Variants in KIAA1671 observed in about 807,000 individuals in gnomAD.
KIAA1671 encodes the protein KIAA1671, also known as uncharacterized protein KIAA1671.
In KIAA1671, 52 loss-of-function variants were observed where a neutral mutation model predicts 131.2. The observed-to-expected ratio is 0.40, with a 90% CI of 0.32 to 0.50. The LOEUF is 0.50. Ranked by LOEUF, KIAA1671 falls within the 20% of genes least tolerant of loss-of-function variation. The pLI, the probability that KIAA1671 is intolerant of heterozygous loss-of-function variation, is 0.73. For synonymous variants in KIAA1671, 1,003 were observed against 961.6 expected (o/e 1.04, Z -0.80); for missense variants, 2,360 against 2,364.2 (o/e 1.00, Z 0.04).
intron 1 of KIAA1671, among the ~76,000 whole-genome samples, chr22:25,001,809 C>T (rs944586140): frequency 2.6e-5 from 4 of 152,166 alleles, no homozygotes; most frequent in Non-Finnish European, 4.4e-5. Context: ...CTGTGTGGTC[C>T]TGTTGGCCCA....
At chr22:25,161,852 A>C (rs1933455676) in intron 6 of KIAA1671, among the ~76,000 whole-genome samples, 1 of 152,086 alleles carries the variant, frequency 6.6e-6, no homozygotes, top group African/African-American at 2.4e-5. Context: ...GAGTCAGGAC[A>C]CTGGGTTTCA....
chr22:25,097,627 C>G (rs923575688), intron 6 of KIAA1671, among the ~76,000 whole-genome samples: 1 of 151,954 alleles, frequency 6.6e-6, no homozygotes, highest in African/African-American at 2.4e-5. Context: ...GTAGTCCCAG[C>G]TACTCGGGAG....
At chr22:24,972,500 C>G (rs1922676193) in intron 1 of KIAA1671, among the ~76,000 whole-genome samples, 1 of 152,030 alleles carries the variant, frequency 6.6e-6, no homozygotes, top group Admixed American at 6.5e-5. Flanking sequence ...ATGCATCCAT[C>G]CATATATGCA....
intron 11 of KIAA1671, among the ~76,000 whole-genome samples, chr22:25,188,766 T>A (rs1934562459): frequency 6.6e-6 from 1 of 152,180 alleles, no homozygotes; most frequent in Non-Finnish European, 1.5e-5. Flanking sequence ...TGGATCATCA[T>A]AAAGGTCTTC....
At chr22:25,097,978 G>A (rs533882296) in intron 6 of KIAA1671, among the ~76,000 whole-genome samples, 13 of 152,206 alleles carry the variant, frequency 8.5e-5, no homozygotes, top group South Asian at 4.2e-4. Flanking sequence ...TCAGGAGCCC[G>A]GACAACATCC....
At chr22:25,105,822 G>C (rs996301593) in intron 6 of KIAA1671, among the ~76,000 whole-genome samples, 4 of 75,062 alleles carry the variant, frequency 5.3e-5, no homozygotes, top group Admixed American at 1.9e-4. Context: ...ATGAAGTTGG[G>C]GGGGGGGGGT....
chr22:25,011,479 GT>G (rs1925031036), intron 1 of KIAA1671: 1 of 151,510 alleles, frequency 6.6e-6, no homozygotes, highest in Admixed American at 6.6e-5. Context: ...CAGAGATGGG[GT>G]TTCACCACGT....
chr22:25,048,977 C>A, intron 5 of KIAA1671: 1 of 459,202 alleles, frequency 2.2e-6, no homozygotes. Flanking sequence ...GTTCCTTTCC[C>A]AGATAGTTGA....
chr22:25,120,367 T>C (rs992731043), intron 6 of KIAA1671, among the ~76,000 whole-genome samples: 32 of 152,220 alleles, frequency 2.1e-4, no homozygotes, highest in African/African-American at 7.2e-4. Flanking sequence ...CTCACCCAAT[T>C]TCAGGTCTCC....
chr22:25,107,554 A>G (rs1435849847), intron 6 of KIAA1671, among the ~76,000 whole-genome samples: 1 of 131,632 alleles, frequency 7.6e-6, no homozygotes, highest in Non-Finnish European at 1.5e-5. Flanking sequence ...AGCTCACTGC[A>G]GCCTTAACTT....
chr22:24,986,694 T>TCCATCCATCCATCCACCCAC (rs2123838926), intron 1 of KIAA1671, among the ~76,000 whole-genome samples: 1 of 82,156 alleles, frequency 1.2e-5, no homozygotes, highest in East Asian at 4.5e-4. Context: ...CACCCACCCA[T>TCCATCCATCCATCCACCCAC]CCATCCATCC....
intron 6 of KIAA1671, among the ~76,000 whole-genome samples, chr22:25,156,407 ATGTGTATATGTGTTTG>A (rs1933244168): frequency 1.3e-5 from 2 of 150,830 alleles, no homozygotes; most frequent in East Asian, 1.9e-4. Flanking sequence ...TTATATTTTC[ATGTGTATATGTGTTTG>A]TGTGTATATG....
intron 1 of KIAA1671, among the ~76,000 whole-genome samples, chr22:24,974,296 T>C (rs903133847): frequency 2.0e-5 from 3 of 152,130 alleles, no homozygotes; most frequent in Admixed American, 2.0e-4. Context: ...TAGTGTGTGA[T>C]GTGATGATGG....
intron 1 of KIAA1671, among the ~76,000 whole-genome samples, chr22:25,015,832 C>T (rs1466069528): frequency 4.1e-5 from 5 of 122,454 alleles, no homozygotes; most frequent in Non-Finnish European, 9.0e-5. Context: ...CCAGATGTAC[C>T]GCACTCTGAT....
intron 6 of KIAA1671, among the ~76,000 whole-genome samples, chr22:25,131,733 GA>G (rs1449951335): frequency 2.0e-5 from 3 of 152,372 alleles, no homozygotes; most frequent in Admixed American, 2.0e-4. Flanking sequence ...AGAACAGGGT[GA>G]TGCCATCCTT....
At chr22:25,179,306 C>T (rs1438527443) in intron 9 of KIAA1671, 30 of 1,578,546 alleles carry the variant, frequency 1.9e-5, no homozygotes, top group Non-Finnish European at 2.5e-5. Flanking sequence ...CCGTCCCGGG[C>T]CCTTAGCCCG....
intron 6 of KIAA1671, among the ~76,000 whole-genome samples, chr22:25,107,278 G>T: frequency 6.6e-6 from 1 of 151,894 alleles, no homozygotes; most frequent in East Asian, 2.0e-4. Context: ...TTAGCCGGGC[G>T]TGGTGGCAGG....
intron 6 of KIAA1671, among the ~76,000 whole-genome samples, chr22:25,093,744 C>CTCTCTCTCTG (rs1930176685): frequency 9.5e-6 from 1 of 104,962 alleles, no homozygotes; most frequent in Admixed American, 9.0e-5. Context: ...CACACTCTCT[C>CTCTCTCTCTG]TCTCTCTCTC....
At chr22:24,991,212 G>A (rs5760777) in intron 1 of KIAA1671, among the ~76,000 whole-genome samples, 75,513 of 151,258 alleles carry the variant, frequency 0.5, 20,515 homozygotes, top group African/African-American at 0.72. Context: ...TAGTAGAGAC[G>A]GGGTTTCACC....
Sources: allele counts gnomAD v4.1 joint callset (sites outside exome capture counted in the v4.1 genomes callset), GRCh38; gene constraint gnomAD v4.1.1; transcripts MANE v1.5; gene names NCBI Gene and HGNC (gene_info 2026-07-23, HGNC 2026-07-21).